FHIP2A: variants seen among roughly 807,000 people sequenced by gnomAD.
FHIP2A encodes family with sequence similarity 160 member B1.
In FHIP2A, 46 loss-of-function variants were observed where a neutral mutation model predicts 93.5. The ratio of observed to expected loss-of-function variants is 0.49; its 90% CI spans 0.39 to 0.63. The LOEUF is 0.63. FHIP2A is among the 20% of genes least tolerant of loss of function. The pLI is 0.00. For missense variants in FHIP2A, 769 were observed against 909.7 expected (o/e 0.85, Z 1.99); for synonymous variants, 332 against 326.5 (o/e 1.02, Z -0.18).
chr10:114,861,836 A>G lies in FHIP2A; in HGVS notation c.*296A>G, dbSNP rs2083801875. 12 of 1,037,262 alleles carry G rather than the reference A, an allele frequency of 1.2e-5. No individual in the cohort carries two copies. Among genetic ancestry groups the G allele is most frequent in the Non-Finnish European group, 1.4e-5 (12 of 863,190 alleles). 64.3% of individuals were successfully genotyped at this position (1,037,262 alleles called of 1,614,324 possible). A position where few individuals can be genotyped will look rare whatever the true frequency, so the allele number is the denominator to read the frequency against. Reference sequence around the variant, plus strand: ...ATTTCTAATGACTGTGAAAAGCTGCAATATTTCCAATGTCATGACTTTGAT... The same window carrying G: ...ATTTCTAATGACTGTGAAAAGCTGCGATATTTCCAATGTCATGACTTTGAT... On this transcript the variant is annotated 3_prime_UTR_variant, in exon 17 of 17. Coordinates refer to ENST00000369248, the MANE Select transcript of FHIP2A (RefSeq NM_020940.4).
At chr10:114,858,089 G>C (rs1483087616) in intron 14 of FHIP2A, among the ~76,000 whole-genome samples, 9 of 152,066 alleles carry the variant, frequency 5.9e-5, no homozygotes, top group Non-Finnish European at 1.3e-4. Flanking sequence ...AAAAACATGG[G>C]CCAAGTCCAT....
intron 16 of FHIP2A, among the ~76,000 whole-genome samples, chr10:114,886,922 C>T (rs906105434): frequency 2.6e-5 from 4 of 152,110 alleles, no homozygotes; most frequent in African/African-American, 9.7e-5. Flanking sequence ...CTCTGCCTGG[C>T]TCTATTTTCT....
intron 1 of FHIP2A, among the ~76,000 whole-genome samples, chr10:114,824,049 TA>T (rs1472139057): frequency 6.6e-6 from 1 of 152,146 alleles, no homozygotes; most frequent in East Asian, 1.9e-4. Context: ...GGCATTGTAT[TA>T]GGTATTAGAA....
At chr10:114,890,319 T>C (rs1162006916) in intron 16 of FHIP2A, among the ~76,000 whole-genome samples, 2 of 152,022 alleles carry the variant, frequency 1.3e-5, no homozygotes, top group African/African-American at 2.4e-5. Context: ...TGAGGCACCA[T>C]GCCCAGCCTA....
intron 16 of FHIP2A, among the ~76,000 whole-genome samples, chr10:114,888,658 A>G (rs1307195974): frequency 6.6e-6 from 1 of 151,754 alleles, no homozygotes; most frequent in Admixed American, 6.6e-5. Flanking sequence ...GCTGGAGTGC[A>G]ATGGTGCGAT....
chr10:114,826,298 G>C (rs1342258055), intron 1 of FHIP2A, among the ~76,000 whole-genome samples: 4 of 152,180 alleles, frequency 2.6e-5, no homozygotes, highest in African/African-American at 7.2e-5. Context: ...CTAAGAATGT[G>C]TTCTAGCCCA....
intron 16 of FHIP2A, among the ~76,000 whole-genome samples, chr10:114,889,952 G>A (rs2083962265): frequency 6.6e-6 from 1 of 152,198 alleles, no homozygotes; most frequent in African/African-American, 2.4e-5. Flanking sequence ...GTTTCCCGGA[G>A]CCAACCCCAC....
At chr10:114,869,936 T>C (rs2083848912) in intron 16 of FHIP2A, among the ~76,000 whole-genome samples, 1 of 152,236 alleles carries the variant, frequency 6.6e-6, no homozygotes, top group Non-Finnish European at 1.5e-5. Context: ...AAATTGCTGA[T>C]ATACATCTTG....
At chr10:114,843,655 C>A in intron 6 of FHIP2A, 86 bp from the exon 7 acceptor site, 1 of 1,048,284 alleles carries the variant, frequency 9.5e-7, no homozygotes, top group Non-Finnish European at 1.3e-6. Context: ...TAGTGTGAAA[C>A]ATTAAATCCT....
intron 16 of FHIP2A, among the ~76,000 whole-genome samples, chr10:114,875,721 A>G (rs1226413771): frequency 6.6e-6 from 1 of 150,576 alleles, no homozygotes; most frequent in Non-Finnish European, 1.5e-5. Flanking sequence ...AGAGAGAGAA[A>G]GAAAGAAAGA....
intron 6 of FHIP2A, among the ~76,000 whole-genome samples, chr10:114,843,522 T>C (rs2083682073): frequency 6.6e-6 from 1 of 152,108 alleles, no homozygotes; most frequent in Non-Finnish European, 1.5e-5. Context: ...CAGGCTGGTC[T>C]CAAACTCCTG....
Position 114,875,910 on chromosome 10 carries a change from GAGAAAGAA to G in FHIP2A, c.2192+14592_2192+14599del, listed in dbSNP as rs77786368. On this transcript the variant is annotated intron_variant, in intron 16 of 16. Coordinates refer to the FHIP2A transcript ENST00000369250. ...AAAGAGAGAGAAAGAAATAAAGAAA[GAGAAAGAA>G]AGAAAGAAAGAAAGAGAAAGAAAAA... Among the ~76,000 whole-genome samples the G allele has an allele frequency of 6.1e-3, 457 of 74,802 alleles. 24 individuals carry two copies. Among genetic ancestry groups the G allele is most frequent in the Non-Finnish European group, 9.8e-3 (322 of 32,874 alleles). 49.1% of individuals were successfully genotyped at this position (74,802 alleles called of 152,430 possible).
chr10:114,892,512 C>A (rs1425351355), intron 16 of FHIP2A, among the ~76,000 whole-genome samples: 3 of 152,078 alleles, frequency 2.0e-5, no homozygotes, highest in African/African-American at 4.8e-5. Context: ...GTGGCGGGCA[C>A]CTGCAGTACC....
At chr10:114,849,127 CAAAAAAA>C (rs34515682) in intron 13 of FHIP2A, among the ~76,000 whole-genome samples, 1 of 50,410 alleles carries the variant, frequency 2.0e-5, no homozygotes, top group Non-Finnish European at 3.4e-5. Flanking sequence ...GACTCCATCT[CAAAAAAA>C]AAAAAAAAAA....
chr10:114,856,234 A>T (rs570655903), intron 14 of FHIP2A, among the ~76,000 whole-genome samples: 4 of 152,200 alleles, frequency 2.6e-5, no homozygotes, highest in African/African-American at 7.2e-5. Flanking sequence ...GTATTTCACT[A>T]TGTTAGAGTT....
At chr10:114,850,166 T>G (rs2083726315) in intron 13 of FHIP2A, among the ~76,000 whole-genome samples, 1 of 152,178 alleles carries the variant, frequency 6.6e-6, no homozygotes, top group Non-Finnish European at 1.5e-5. Flanking sequence ...ATATTTAACT[T>G]TTTTGAGGAA....
intron 16 of FHIP2A, among the ~76,000 whole-genome samples, chr10:114,870,808 C>T (rs1434329281): frequency 6.6e-6 from 1 of 152,116 alleles, no homozygotes; most frequent in Non-Finnish European, 1.5e-5. Context: ...TGTTCCAAAT[C>T]CACTCCTCTA....
At chr10:114,891,514 C>T (rs2083973685) in intron 16 of FHIP2A, among the ~76,000 whole-genome samples, 1 of 148,276 alleles carries the variant, frequency 6.7e-6, no homozygotes, top group African/African-American at 2.5e-5. Context: ...CCTGAAATGC[C>T]ACAAGGGTGA....
chr10:114,866,936 C>T (rs184878306), downstream of FHIP2A, among the ~76,000 whole-genome samples: 14 of 152,292 alleles, frequency 9.2e-5, no homozygotes, highest in East Asian at 3.9e-4. Context: ...ACGCCGGGCG[C>T]GGTAGCTCAC....
Sources: gnomAD v4.1 joint callset for allele counts (sites outside exome capture counted in the v4.1 genomes callset) on GRCh38, gnomAD v4.1.1 for gene constraint, MANE v1.5 for transcripts, NCBI Gene and HGNC (gene_info 2026-07-23, HGNC 2026-07-21) for gene names.